TPST2: variants seen among roughly 807,000 people sequenced by gnomAD.
TPST2 encodes protein-tyrosine sulfotransferase 2.
Under a neutral mutation model 27.8 loss-of-function variants are expected in TPST2, and 16 were observed. The ratio of observed to expected loss-of-function variants is 0.58; its 90% CI spans 0.39 to 0.88. TPST2 has a LOEUF of 0.88. TPST2 is among the 40% of genes least tolerant of loss of function. The pLI, the probability that TPST2 is intolerant of heterozygous loss-of-function variation, is 0.00. For missense variants in TPST2, 464 were observed against 543.1 expected (o/e 0.85, Z 1.45); for synonymous variants, 229 against 231.7 (o/e 0.99, Z 0.10).
At chr22:26,583,654 A>G in intron 1 of TPST2, among the ~76,000 whole-genome samples, 1 of 152,014 alleles carries the variant, frequency 6.6e-6, no homozygotes, top group East Asian at 1.9e-4. Flanking sequence ...AGCCTGGCCA[A>G]TATGGTGAAA....
intron 1 of TPST2, among the ~76,000 whole-genome samples, chr22:26,580,862 T>C (rs1193842901): frequency 6.6e-6 from 1 of 152,100 alleles, no homozygotes; most frequent in Non-Finnish European, 1.5e-5. Flanking sequence ...GGAGGAAGAC[T>C]TTCGCTCTGT....
At chr22:26,583,733 G>C (rs1000294546) in intron 1 of TPST2, among the ~76,000 whole-genome samples, 2 of 151,830 alleles carry the variant, frequency 1.3e-5, no homozygotes, top group African/African-American at 4.8e-5. Flanking sequence ...CCAGCTACTT[G>C]GGAGGCTGAG....
intron 1 of TPST2, chr22:26,560,762 C>A: frequency 8.4e-7 from 1 of 1,186,132 alleles, no homozygotes; most frequent in Non-Finnish European, 1.3e-6. Flanking sequence ...AAACCTATAT[C>A]CCTCCCAAAG....
At chr22:26,563,192 G>A (rs759157360) in intron 1 of TPST2, among the ~76,000 whole-genome samples, 1 of 152,160 alleles carries the variant, frequency 6.6e-6, no homozygotes, top group Non-Finnish European at 1.5e-5. Flanking sequence ...CCTACTGGGT[G>A]CCAGGCCTTG....
At chr22:26,555,698 C>T (rs1235264940) in intron 1 of TPST2, among the ~76,000 whole-genome samples, 4 of 152,194 alleles carry the variant, frequency 2.6e-5, no homozygotes, top group African/African-American at 9.7e-5. Context: ...GTGCAGGAGG[C>T]GGTGGGAACA....
At chr22:26,582,462 G>T (rs572009176) in intron 1 of TPST2, among the ~76,000 whole-genome samples, 92 of 152,156 alleles carry the variant, frequency 6.0e-4, no homozygotes, top group African/African-American at 2.1e-3. Context: ...CAAAAACACA[G>T]AATCTGCACT....
In TPST2 at chr22:26,540,828, TC is replaced by T; in HGVS notation, c.802del (p.Glu268LysfsTer82). On this transcript the variant is annotated frameshift_variant, in exon 3 of 7. Coordinates refer to ENST00000338754, the MANE Select transcript of TPST2 (RefSeq NM_003595.5). LOFTEE classifies it high-confidence loss of function. ...IAWSDAVLHH[E>X]DLIGKPGGVS... ...ACCACCGGGCTTGCCAATGAGGTCT[TC>T]ATGGTGGAGGACAGCGTCGCTCCAG... 6.2e-7 allele frequency: 1 copy of T among 1,611,182 alleles called. No homozygotes were observed. The highest frequency in any genetic ancestry group is 8.5e-7 in the Non-Finnish European group (1 of 1,178,342).
At chr22:26,567,952 G>A (rs1258543972) in intron 1 of TPST2, among the ~76,000 whole-genome samples, 4 of 152,226 alleles carry the variant, frequency 2.6e-5, no homozygotes, top group South Asian at 2.1e-4. Flanking sequence ...TTCATACTCT[G>A]CTGGCAGGAG....
At position 26,536,305 on chromosome 22, in the gene TPST2, T is replaced by C; in HGVS notation, c.1024A>G (p.Ile342Val). ...PNYGNPDPFVINNTQRVLKGD... is the reference protein window; with the variant it reads ...PNYGNPDPFVVNNTQRVLKGD... Reference sequence around the variant, plus strand: ...ACACTCACCCGCTGTGTGTTGTTGATGACGAAGGGGTCAGGGTTGCCATAG... The same window carrying C: ...ACACTCACCCGCTGTGTGTTGTTGACGACGAAGGGGTCAGGGTTGCCATAG... The change falls in exon 4 of 7, where the codon ATC becomes GTC. Residue 342 changes from isoleucine to valine, a missense_variant. Transcript: ENST00000338754. 6.2e-7 allele frequency: 1 copy of C among 1,614,228 alleles called. No homozygotes were observed.
At chr22:26,566,953 T>C (rs558437637) in intron 1 of TPST2, among the ~76,000 whole-genome samples, 93 of 152,310 alleles carry the variant, frequency 6.1e-4, no homozygotes, top group African/African-American at 2.2e-3. Context: ...CCATGCATTG[T>C]AGGATGTTTA....
intron 1 of TPST2, among the ~76,000 whole-genome samples, chr22:26,556,742 C>T (rs1032152001): frequency 6.6e-6 from 1 of 152,180 alleles, no homozygotes; most frequent in Non-Finnish European, 1.5e-5. Context: ...GTTATGGACA[C>T]AAAATCTATG....
intron 1 of TPST2, among the ~76,000 whole-genome samples, chr22:26,555,836 G>A (rs747932686): frequency 3.3e-5 from 5 of 152,202 alleles, no homozygotes; most frequent in Non-Finnish European, 7.4e-5. Flanking sequence ...ACCCTGTGGG[G>A]GAGACAGCCC....
At chr22:26,532,859 C>A in intron 4 of TPST2, 114 bp from the exon 5 acceptor site, 1 of 887,246 alleles carries the variant, frequency 1.1e-6, no homozygotes, top group Non-Finnish European at 1.8e-6. Flanking sequence ...ACCCATCCCT[C>A]CATCCAACAA....
chr22:26,560,156 G>A (rs1237781126), intron 1 of TPST2, among the ~76,000 whole-genome samples: 1 of 152,064 alleles, frequency 6.6e-6, no homozygotes, highest in African/African-American at 2.4e-5. Flanking sequence ...TAATGGCACG[G>A]CCAGGCCTGA....
At chr22:26,588,073 T>C (rs955647895) in intron 1 of TPST2, among the ~76,000 whole-genome samples, 3 of 152,056 alleles carry the variant, frequency 2.0e-5, no homozygotes, top group Non-Finnish European at 4.4e-5. Context: ...TGAATGTTCA[T>C]AGCAGTATTA....
rs532026343 is a variant in TPST2, at chr22:26,541,764, G to A, written c.-88-46C>T. The A allele has an allele frequency of 1.4e-6, 2 of 1,423,576 alleles. No homozygotes were observed. Among genetic ancestry groups the A allele is most frequent in the Admixed American group, 5.7e-5 (2 of 35,108 alleles). The allele number at this position is 1,423,576 out of a possible 1,614,324, so 88.2% of individuals were successfully genotyped here. The stretch of plus-strand genomic sequence containing the variant: ...GCATAGTCAGGGAGGTCTGTGAGCT[G>A]TGAGCTCTCCAATAACTGCAAAGCC... On this transcript the variant is annotated intron_variant, in intron 2 of 6. Coordinates refer to ENST00000338754, the MANE Select transcript of TPST2 (RefSeq NM_003595.5). This position sits in a 1 kb window ranked among gnomAD's most constrained non-coding sequence, Gnocchi z 5.9.
intron 1 of TPST2, among the ~76,000 whole-genome samples, chr22:26,568,607 C>T (rs1036908633): frequency 6.6e-6 from 1 of 152,168 alleles, no homozygotes; most frequent in African/African-American, 2.4e-5. Flanking sequence ...CTAAAAGACA[C>T]TCCCACCACC....
chr22:26,548,790 C>T (rs1463136508), intron 1 of TPST2, among the ~76,000 whole-genome samples: 3 of 138,120 alleles, frequency 2.2e-5, no homozygotes, highest in African/African-American at 8.2e-5. Context: ...AGTGAGACCC[C>T]ATCACTACAA....
At chr22:26,534,584 GC>G (rs1159671869) in intron 4 of TPST2, among the ~76,000 whole-genome samples, 5 of 152,190 alleles carry the variant, frequency 3.3e-5, no homozygotes, top group Admixed American at 2.0e-4. Context: ...GGGGCAGCGA[GC>G]CACCTTTTAA....
Sources: allele counts gnomAD v4.1 joint callset (sites outside exome capture counted in the v4.1 genomes callset), GRCh38; gene constraint gnomAD v4.1.1; non-coding constraint Gnocchi (gnomAD v3.1); transcripts MANE v1.5; gene names NCBI Gene and HGNC (gene_info 2026-07-23, HGNC 2026-07-21).